EXOC6B: variants seen among roughly 807,000 people sequenced by gnomAD.
EXOC6B encodes the protein exocyst complex component 6B, also known as SEC15 homolog B.
A neutral mutation model predicts 113.5 loss-of-function variants in EXOC6B; 54 were observed. The observed-to-expected ratio is 0.48, with a 90% confidence interval of 0.38 to 0.60. EXOC6B has a LOEUF of 0.60. Among genes scored for constraint, EXOC6B ranks in the 20% least tolerant of loss-of-function variants. The pLI is 0.00. For synonymous variants in EXOC6B, 357 were observed against 339.0 expected (o/e 1.05, Z -0.58); for missense variants, 797 against 977.5 (o/e 0.82, Z 2.46).
At chr2:72,252,672 AATAATACAC>A (rs1324546238) in intron 20 of EXOC6B, among the ~76,000 whole-genome samples, 1 of 152,204 alleles carries the variant, frequency 6.6e-6, no homozygotes, top group African/African-American at 2.4e-5. Flanking sequence ...GGAATGAATG[AATAATACAC>A]ATAATACACA....
intron 2 of EXOC6B, among the ~76,000 whole-genome samples, chr2:72,733,995 G>A (rs183744850): frequency 1.7e-4 from 26 of 152,160 alleles, no homozygotes; most frequent in Admixed American, 9.8e-4. Flanking sequence ...ATGCACATGC[G>A]AGCACACACA....
At chr2:72,763,278 C>G (rs1248548467) in intron 1 of EXOC6B, among the ~76,000 whole-genome samples, 1 of 152,016 alleles carries the variant, frequency 6.6e-6, no homozygotes, top group African/African-American at 2.4e-5. Flanking sequence ...CCATTTCCCC[C>G]TTCCTGTATT....
rs758906963 is a variant in EXOC6B at position 72,307,161 on chromosome 2, G to GTTTTTGTTTTTTTTTGTTT, written c.2196+27785_2196+27786insAAACAAAAAAAAACAAAAA. Among the ~76,000 whole-genome samples the GTTTTTGTTTTTTTTTGTTT allele has an allele frequency of 3.9e-5, 5 of 128,514 alleles. 1 individual carries two copies. The highest frequency in any genetic ancestry group is 1.9e-4 in the African/African-American group (5 of 26,172). The allele number at this position is 128,514 out of a possible 152,430, so 84.3% of individuals were successfully genotyped here. A position where few individuals can be genotyped will look rare whatever the true frequency, so the allele number is the denominator to read the frequency against. ...TCCATGACTGCAATGGTATAGTCCA[G>GTTTTTGTTTTTTTTTGTTT]TTTTTTTTTTTTTGAGACGGAGTCT... On this transcript the variant is annotated intron_variant, in intron 20 of 21. Coordinates refer to ENST00000272427, the MANE Select transcript of EXOC6B (RefSeq NM_015189.3).
At chr2:72,409,511 T>C (rs1015753121) in intron 18 of EXOC6B, among the ~76,000 whole-genome samples, 6 of 152,212 alleles carry the variant, frequency 3.9e-5, no homozygotes, top group African/African-American at 1.4e-4. Flanking sequence ...AGTTGGCACA[T>C]ATACACCATG....
rs1671641731 is a variant in EXOC6B, at chr2:72,619,901, C to A, written c.670-44233G>T. ...AGCCTGGGAGCTTCTGTGTGCTGGG[C>A]AGCTCTGGTGGAGAGTGGCCATAGA... On this transcript the variant is annotated intron_variant, in intron 6 of 21. Transcript: ENST00000272427. Among the ~76,000 whole-genome samples the A allele has an allele frequency of 2.0e-5, 3 of 152,330 alleles. No homozygotes were observed. The South Asian group carries it at 6.2e-4, about 32-fold the overall frequency.
intron 20 of EXOC6B, among the ~76,000 whole-genome samples, chr2:72,240,567 C>T (rs997156072): frequency 6.6e-6 from 1 of 152,104 alleles, no homozygotes; most frequent in Admixed American, 6.5e-5. Context: ...CGGATGTTAG[C>T]GAAAAATTAA....
intron 19 of EXOC6B, among the ~76,000 whole-genome samples, chr2:72,375,396 C>A (rs1322013222): frequency 2.6e-5 from 4 of 152,090 alleles, no homozygotes; most frequent in Non-Finnish European, 5.9e-5. Context: ...TTTGACTAGA[C>A]CATATACTGG....
At chr2:72,481,558 A>G (rs1352930080) in intron 16 of EXOC6B, among the ~76,000 whole-genome samples, 3 of 152,238 alleles carry the variant, frequency 2.0e-5, no homozygotes, top group Non-Finnish European at 4.4e-5. Flanking sequence ...AGGAGAGATT[A>G]CAATATGTTA....
rs187563310 is a variant in EXOC6B at position 72,586,255 on chromosome 2, A to G, written c.670-10587T>C. 3.9e-3 allele frequency among the ~76,000 whole-genome samples: 601 copies of G among 152,288 alleles called. 18 individuals carry two copies. The highest frequency in any genetic ancestry group is 0.036 in the Admixed American group (547 of 15,300). On this transcript the variant is annotated intron_variant, in intron 6 of 21. Coordinates refer to ENST00000272427, the MANE Select transcript of EXOC6B (RefSeq NM_015189.3). ...AAACAAAAATTGATAAATAGGACCTAATTAAACTAAAGAGCTACACAACAG... is the reference window on the plus strand; with the variant it reads ...AAACAAAAATTGATAAATAGGACCTGATTAAACTAAAGAGCTACACAACAG...
intron 19 of EXOC6B, among the ~76,000 whole-genome samples, chr2:72,347,887 A>T (rs1306756007): frequency 6.6e-6 from 1 of 152,180 alleles, no homozygotes; most frequent in Non-Finnish European, 1.5e-5. Flanking sequence ...TGACAAGGAA[A>T]GGGCACTATC....
intron 20 of EXOC6B, among the ~76,000 whole-genome samples, chr2:72,204,228 G>A (rs1176379257): frequency 6.6e-6 from 1 of 152,174 alleles, no homozygotes; most frequent in African/African-American, 2.4e-5. Context: ...TGATAATTAT[G>A]AGAAAGTATT....
chr2:72,504,106 C>T (rs945778663), intron 11 of EXOC6B, among the ~76,000 whole-genome samples: 1 of 152,042 alleles, frequency 6.6e-6, no homozygotes, highest in Non-Finnish European at 1.5e-5. Flanking sequence ...TGGTGTCTCA[C>T]TAAGTTGCCC....
At chr2:72,415,503 C>T (rs1226962738) in intron 18 of EXOC6B, among the ~76,000 whole-genome samples, 1 of 151,396 alleles carries the variant, frequency 6.6e-6, no homozygotes, top group East Asian at 1.9e-4. Context: ...GTATGAAAGT[C>T]ATTCCATCTG....
At chr2:72,438,206 T>C (rs656440) in intron 18 of EXOC6B, among the ~76,000 whole-genome samples, 18,913 of 151,962 alleles carry the variant, frequency 0.12, 1,326 homozygotes, top group African/African-American at 0.2. Flanking sequence ...CCAATTTACC[T>C]AGGATGGTAG....
chr2:72,456,699 G>T (rs1316340673), intron 18 of EXOC6B, among the ~76,000 whole-genome samples: 2 of 151,926 alleles, frequency 1.3e-5, no homozygotes, highest in African/African-American at 2.4e-5. Context: ...ATCTGATGGG[G>T]GTATTTTGAG....
chr2:72,658,817 A>G (rs1362204560), intron 6 of EXOC6B, among the ~76,000 whole-genome samples: 2 of 152,154 alleles, frequency 1.3e-5, no homozygotes, highest in East Asian at 1.9e-4. Context: ...AAACAAATAA[A>G]CAAAAATCCT....
intron 18 of EXOC6B, among the ~76,000 whole-genome samples, chr2:72,415,624 T>C (rs1037652033): frequency 6.6e-6 from 1 of 151,804 alleles, no homozygotes; most frequent in African/African-American, 2.4e-5. Flanking sequence ...TTCTACTAGA[T>C]TTAACCATGC....
chr2:72,614,454 A>C (rs1671267653), intron 6 of EXOC6B, among the ~76,000 whole-genome samples: 1 of 152,082 alleles, frequency 6.6e-6, no homozygotes, highest in Non-Finnish European at 1.5e-5. Flanking sequence ...TAAGAATTTA[A>C]TTTAAATTGG....
chr2:72,301,013 G>A (rs1573214642), intron 20 of EXOC6B, among the ~76,000 whole-genome samples: 1 of 152,156 alleles, frequency 6.6e-6, no homozygotes, highest in Non-Finnish European at 1.5e-5. Context: ...TTTGAGGTAT[G>A]TTCCTTCAAT....
Sources: gnomAD v4.1 joint callset for allele counts (sites outside exome capture counted in the v4.1 genomes callset) on GRCh38, gnomAD v4.1.1 for gene constraint, MANE v1.5 for transcripts, NCBI Gene and HGNC (gene_info 2026-07-23, HGNC 2026-07-21) for gene names.